ACLY: variants seen among roughly 807,000 people sequenced by gnomAD.
ACLY encodes the protein ATP-citrate synthase.
ACLY carries 41 observed loss-of-function variants against 133.0 expected under a neutral mutation model. The ratio of observed to expected loss-of-function variants is 0.31; its 90% CI spans 0.24 to 0.40. The LOEUF (loss-of-function observed/expected upper bound fraction) is 0.40, where lower values mean the gene tolerates loss of function less well. Ranked by LOEUF, ACLY falls within the 10% of genes least tolerant of loss-of-function variation. The pLI is 1.00. For synonymous variants in ACLY, 495 were observed against 549.3 expected, an observed-to-expected ratio of 0.90 and a Z score of 1.38; for missense variants, 1,046 against 1,453.8, an observed-to-expected ratio of 0.72 and a Z score of 4.56.
chr17:41,930,319 T>C (rs2050303527), intron 1 of ACLY: 2 of 161,480 alleles, frequency 1.2e-5, no homozygotes, highest in African/African-American at 4.8e-5. Flanking sequence ...CCCAGTGCTC[T>C]CTCCCCCTAA....
At chr17:41,897,946 G>GGCTCTCCCTCTCCCGTCTCCCTCTC in intron 12 of ACLY, 107 bp from the exon 13 acceptor site, 2 of 916,400 alleles carry the variant, frequency 2.2e-6, no homozygotes, top group South Asian at 1.7e-5. Context: ...ATTATGCACA[G>GGCTCTCCCTCTCCCGTCTCCCTCTC]CAATGCTCTT....
intron 17 of ACLY, 22 bp from the exon 18 acceptor site, chr17:41,886,330 T>C: frequency 1.9e-6 from 3 of 1,583,390 alleles, no homozygotes; most frequent in Non-Finnish European, 2.6e-6. Context: ...GAAACCACAA[T>C]CAGGGAGGAA....
At chr17:41,878,275 T>A in intron 21 of ACLY, 79 bp from the exon 22 acceptor site, 1 of 943,638 alleles carries the variant, frequency 1.1e-6, no homozygotes, top group South Asian at 2.0e-5. Flanking sequence ...GAATGCTCTA[T>A]CTAACCCAAA....
intron 10 of ACLY, 39 bp downstream of exon 10, chr17:41,904,690 C>G: frequency 1.2e-6 from 2 of 1,602,878 alleles, no homozygotes; most frequent in South Asian, 2.2e-5. Context: ...TTCCCCAAAC[C>G]ACTTTCCCCA....
intron 12 of ACLY, 54 bp from the exon 13 acceptor site, chr17:41,897,893 A>G (rs914970561): frequency 1.3e-6 from 2 of 1,521,994 alleles, no homozygotes; most frequent in African/African-American, 2.8e-5. Flanking sequence ...CTGGGAAAAA[A>G]GCCACTGGTC....
intron 28 of ACLY, 143 bp from the exon 29 acceptor site, chr17:41,868,047 T>TA: frequency 2.1e-6 from 1 of 481,912 alleles, no homozygotes; most frequent in South Asian, 3.6e-5. Context: ...ACTGTATAGG[T>TA]AGATGAGGCG....
At chr17:41,875,136 G>A (rs1555625826) in intron 22 of ACLY, among the ~76,000 whole-genome samples, 1 of 151,888 alleles carries the variant, frequency 6.6e-6, no homozygotes, top group South Asian at 2.1e-4. Flanking sequence ...ATCACTTGAG[G>A]TCAGGAGTTC....
In ACLY at chr17:41,897,749, C is replaced by A; in HGVS notation, c.1429G>T (p.Asp477Tyr). 1 of 1,613,476 alleles carries A rather than the reference C, an allele frequency of 6.2e-7. No individual in the cohort carries two copies. Among genetic ancestry groups the A allele is most frequent in the Non-Finnish European group, 8.5e-7 (1 of 1,179,756 alleles). The change falls in exon 13 of 29, where the codon GAT becomes TAT. Residue 477 changes from aspartate to tyrosine, a missense_variant and splice_region_variant. Asp to Tyr is a radical substitution (Grantham distance 160). Transcript: ENST00000352035. ...AKKAKPAMPQ[D>Y]SVPSPRSLQG... is the part of the protein sequence containing the mutation. ...CATGCCTGAAGCCTCAGGGAGTTAC[C>A]TTGTGGCATGGCAGGCTTGGCCTTC...
chr17:41,894,040 G>T (rs1314464056), intron 14 of ACLY, among the ~76,000 whole-genome samples: 4 of 151,844 alleles, frequency 2.6e-5, no homozygotes, highest in Non-Finnish European at 5.9e-5. Context: ...GCGGTGAAAC[G>T]CTGTCTCTAA....
At chr17:41,887,127 GAAAAAAAA>G (rs535668437) in intron 17 of ACLY, among the ~76,000 whole-genome samples, 97 of 110,362 alleles carry the variant, frequency 8.8e-4, no homozygotes, top group African/African-American at 3.1e-3. Context: ...CCGTCTCAAA[GAAAAAAAA>G]AAAAAAAAAA....
rs781902422 is a variant in ACLY, at chr17:41,898,701, GGC to G, written c.1266_1267del (p.Pro423HisfsTer35). ...CGCTGTGGGTGGCTGGTTGGGGATGGGCCGGTGGCCCAGGGCCATGCCCACAA... is the reference window on the plus strand; with the variant it reads ...CGCTGTGGGTGGCTGGTTGGGGATGGCGGTGGCCCAGGGCCATGCCCACAA... On this transcript the variant is annotated frameshift_variant, in exon 12 of 29. Transcript: ENST00000352035. LOFTEE classifies it high-confidence loss of function. 1 of 1,613,934 alleles carries G rather than the reference GGC, an allele frequency of 6.2e-7. No individual in the cohort carries two copies. Among genetic ancestry groups the G allele is most frequent in the Non-Finnish European group, 8.5e-7 (1 of 1,179,940 alleles).
intron 1 of ACLY, among the ~76,000 whole-genome samples, chr17:41,927,280 C>T (rs1329713231): frequency 6.6e-6 from 1 of 152,170 alleles, no homozygotes; most frequent in Non-Finnish European, 1.5e-5. Flanking sequence ...TAATCTACCC[C>T]TCACTTCCCT....
At chr17:41,918,114 G>A (rs1555634807) in intron 1 of ACLY, among the ~76,000 whole-genome samples, 1 of 152,234 alleles carries the variant, frequency 6.6e-6, no homozygotes, top group Non-Finnish European at 1.5e-5. Context: ...CCATTGCCAG[G>A]CTCGACAGGA....
At position 41,902,890 on chromosome 17, in the gene ACLY, G is replaced by A. The variant is rs1046744242; in HGVS notation, c.1066-1077C>T. Among the ~76,000 whole-genome samples the A allele has an allele frequency of 4.6e-5, 7 of 152,252 alleles. No individual in the cohort carries two copies. In the East Asian group the frequency reaches 1.2e-3, roughly 25 times the overall value. On this transcript the variant is annotated intron_variant, in intron 10 of 28. Transcript: ENST00000352035. ...CGCCCAGGCTGAAGCACAGTGGCAC[G>A]ATCACGGCTCACTGCAGCCTCAACC... is the stretch of plus-strand genomic sequence containing the variant.
intron 11 of ACLY, 103 bp downstream of exon 11, chr17:41,901,593 A>T: frequency 1.1e-6 from 1 of 937,058 alleles, no homozygotes; most frequent in Non-Finnish European, 1.7e-6. Flanking sequence ...GAAGGGGAGT[A>T]GAGAGCAAAA....
rs556562519 is a variant in ACLY at position 41,868,158 on chromosome 17, G to A, written c.3212-254C>T. The stretch of plus-strand genomic sequence containing the variant: ...AAAATAAAATAAATAATAAAAATAG[G>A]CCGGGCACGGTGGTTCACGCCTGTA... On this transcript the variant is annotated intron_variant, in intron 28 of 28. Coordinates refer to ENST00000352035, the MANE Select transcript of ACLY (RefSeq NM_001096.3). Among the ~76,000 whole-genome samples, 8 of 152,112 alleles carry A rather than the reference G, an allele frequency of 5.3e-5. No homozygotes were observed. In the South Asian group the frequency reaches 1.0e-3, roughly 20 times the overall value.
Position 41,893,125 on chromosome 17 carries a change from G to A in ACLY, c.1509C>T (p.Gly503=), listed in dbSNP as rs2049261801. The stretch of plus-strand genomic sequence containing the variant: ...TGCCTTGCACGGCCCGGGTCTGCAT[G>A]CCCCACACAATGGCCTTGGTGTGGC... ...FSRHTKAIVW[G]MQTRAVQGML... is the part of the protein sequence containing the mutation. The change falls in exon 15 of 29, where the codon GGC becomes GGT. Residue 503 remains glycine (G), a synonymous_variant. Transcript: ENST00000352035. 6.2e-7 allele frequency: 1 copy of A among 1,614,062 alleles called. No individual in the cohort carries two copies. Among genetic ancestry groups the A allele is most frequent in the Non-Finnish European group, 8.5e-7 (1 of 1,179,986 alleles).
chr17:41,874,574 C>A (rs1289505119), intron 22 of ACLY, among the ~76,000 whole-genome samples: 17 of 130,366 alleles, frequency 1.3e-4, no homozygotes, highest in African/African-American at 4.8e-4. Context: ...TCCATTGCTT[C>A]TTTTTTTTTT....
intron 17 of ACLY, among the ~76,000 whole-genome samples, chr17:41,887,304 T>G (rs1282631336): frequency 6.6e-6 from 1 of 151,820 alleles, no homozygotes; most frequent in Non-Finnish European, 1.5e-5. Context: ...CCGGACATGG[T>G]GGCGGGTGCC....
Sources: gnomAD v4.1 joint callset for allele counts (sites outside exome capture counted in the v4.1 genomes callset) on GRCh38, gnomAD v4.1.1 for gene constraint, MANE v1.5 for transcripts, NCBI Gene and HGNC (gene_info 2026-07-23, HGNC 2026-07-21) for gene names.